Variants in MAP3K9 observed in about 807,000 individuals in gnomAD.
MAP3K9 encodes mitogen-activated protein kinase kinase kinase 9, also known as mixed lineage kinase 1 (tyr and ser/thr specificity).
A neutral mutation model predicts 95.8 loss-of-function variants in MAP3K9; 46 were observed. That is an observed-to-expected ratio of 0.48 (90% CI 0.38 to 0.61). MAP3K9 has a LOEUF of 0.61. Among genes scored for constraint, MAP3K9 ranks in the 20% least tolerant of loss-of-function variants. The pLI, the probability that MAP3K9 is intolerant of heterozygous loss-of-function variation, is 0.00. For synonymous variants in MAP3K9, 533 were observed against 593.8 expected (o/e 0.90, Z 1.49); for missense variants, 1,296 against 1,474.3 (o/e 0.88, Z 1.98).
chr14:70,785,649 A>G (rs1017418271), intron 2 of MAP3K9, among the ~76,000 whole-genome samples: 2 of 152,246 alleles, frequency 1.3e-5, no homozygotes, highest in Middle Eastern at 3.4e-3. Flanking sequence ...GTGTAGTCAG[A>G]GGATCGTCTG....
chr14:70,796,105 C>T (rs976473972), intron 2 of MAP3K9, among the ~76,000 whole-genome samples: 6 of 151,922 alleles, frequency 3.9e-5, no homozygotes, highest in Admixed American at 6.5e-5. Context: ...TGCCCAATGC[C>T]GTTACACCAA....
intron 2 of MAP3K9, among the ~76,000 whole-genome samples, chr14:70,771,428 T>C (rs531202188): frequency 6.6e-6 from 1 of 152,204 alleles, no homozygotes; most frequent in East Asian, 1.9e-4. Flanking sequence ...GGAAGGCATA[T>C]ACGTACTCCT....
chr14:70,762,909 C>A (rs1288396797), intron 2 of MAP3K9, among the ~76,000 whole-genome samples: 1 of 152,176 alleles, frequency 6.6e-6, no homozygotes, highest in Non-Finnish European at 1.5e-5. Flanking sequence ...TTAATTTCTG[C>A]ATATAACAGG....
At chr14:70,760,970 G>A (rs770276693) in intron 3 of MAP3K9, 32 bp downstream of exon 3, 4 of 1,606,326 alleles carry the variant, frequency 2.5e-6, no homozygotes, top group Non-Finnish European at 3.4e-6. Flanking sequence ...GATGGACCTA[G>A]GAAATGCTGT....
In MAP3K9 at chr14:70,775,420, C is replaced by T. The variant is rs1047408849; in HGVS notation, c.821-14238G>A. Among the ~76,000 whole-genome samples, 9 of 152,292 alleles carry T rather than the reference C, an allele frequency of 5.9e-5. No individual in the cohort carries two copies. In the East Asian group the frequency reaches 1.7e-3, roughly 29 times the overall value. On this transcript the variant is annotated intron_variant, in intron 2 of 11. Transcript: ENST00000554752. The stretch of plus-strand genomic sequence containing the variant: ...TGCTCCTTTCACTATACCCTGCTGC[C>T]CCCTCCATTTGGGGGTCAAATGTTG...
chr14:70,796,641 C>T (rs1300821602), intron 2 of MAP3K9, among the ~76,000 whole-genome samples: 2 of 152,202 alleles, frequency 1.3e-5, no homozygotes, highest in African/African-American at 2.4e-5. Flanking sequence ...AGCACATACG[C>T]CATGCTGGAC....
chr14:70,744,831 T>C (rs1232884286), intron 5 of MAP3K9, among the ~76,000 whole-genome samples: 6 of 152,208 alleles, frequency 3.9e-5, no homozygotes, highest in Non-Finnish European at 8.8e-5. Flanking sequence ...AGGGTGGAAC[T>C]GGGACAAAGT....
chr14:70,733,379 T>C (rs1379070229), intron 10 of MAP3K9, 37 bp from the exon 11 acceptor site: 2 of 931,518 alleles, frequency 2.1e-6, no homozygotes, highest in Non-Finnish European at 3.2e-6. Context: ...AAACAGGAAA[T>C]GGAAATGAGG....
chr14:70,797,158 G>C (rs1475635326), intron 2 of MAP3K9, among the ~76,000 whole-genome samples: 1 of 152,154 alleles, frequency 6.6e-6, no homozygotes, highest in Non-Finnish European at 1.5e-5. Flanking sequence ...GACAGCTCCT[G>C]TGTATACATA....
chr14:70,731,326 G>A (rs1445682556), intron 11 of MAP3K9, among the ~76,000 whole-genome samples: 2 of 152,084 alleles, frequency 1.3e-5, no homozygotes, highest in African/African-American at 2.4e-5. Context: ...GTCCATGCCT[G>A]TAGTCCCAGC....
At chr14:70,770,205 G>C (rs1252400266) in intron 2 of MAP3K9, among the ~76,000 whole-genome samples, 1 of 152,120 alleles carries the variant, frequency 6.6e-6, no homozygotes, top group Non-Finnish European at 1.5e-5. Context: ...GTTTGTTTTT[G>C]AGTCTCAATC....
In MAP3K9 at chr14:70,742,554, G is replaced by A. The variant is rs2054087257; in HGVS notation, c.1364C>T (p.Ala455Val). The A allele has an allele frequency of 6.2e-7, 1 of 1,614,052 alleles. No individual in the cohort carries two copies. The highest frequency in any genetic ancestry group is 1.3e-5 in the African/African-American group (1 of 74,932). ...RTWEEELTRA[A>V]LQQKNQEELL... is the part of the protein sequence containing the mutation. ...TTCCTCCTGGTTCTTCTGCTGCAGTGCAGCCCGCGTCAGCTCCTCCTCCCA... is the reference window on the plus strand; with the variant it reads ...TTCCTCCTGGTTCTTCTGCTGCAGTACAGCCCGCGTCAGCTCCTCCTCCCA... Residue 455 changes from alanine to valine, a missense_variant, in exon 6 of 12, where the codon GCA (alanine) becomes GTA (valine). Physicochemically the swap from Ala to Val is moderately conservative, Grantham distance 64. Coordinates refer to ENST00000554752, the MANE Select transcript of MAP3K9 (RefSeq NM_001284230.2).
chr14:70,805,460 G>T (rs556456584), intron 1 of MAP3K9, among the ~76,000 whole-genome samples: 2 of 152,300 alleles, frequency 1.3e-5, no homozygotes, highest in Admixed American at 6.5e-5. Flanking sequence ...AAAGACGATG[G>T]ATGAGCTCCT....
chr14:70,808,579 G>GA (rs1456078154), intron 1 of MAP3K9, among the ~76,000 whole-genome samples, 187 bp downstream of exon 1: 1 of 152,072 alleles, frequency 6.6e-6, no homozygotes, highest in Admixed American at 6.5e-5. Flanking sequence ...GGCAGGGCCT[G>GA]AGGCGTCTCG....
At position 70,732,807 on chromosome 14, in the gene MAP3K9, G is replaced by A. The variant is rs200036746; in HGVS notation, c.2562C>T (p.Ser854=). ...NSTRSLLRSD[S]DEIVVYEMPV... ...GCATCTCATACACGACAATTTCATC[G>A]CTGTCGGAGCGCAGCAGGGAGCGTG... The change falls in exon 11 of 12, where the codon AGC becomes AGT. Residue 854 remains serine, a synonymous_variant. Coordinates refer to ENST00000554752, the MANE Select transcript of MAP3K9 (RefSeq NM_001284230.2). The A allele has an allele frequency of 6.2e-4, 996 of 1,614,042 alleles. 6 individuals are homozygous for A. Among genetic ancestry groups the A allele is most frequent in the Non-Finnish European group, 7.3e-5 (86 of 1,179,968 alleles).
intron 2 of MAP3K9, among the ~76,000 whole-genome samples, chr14:70,797,934 C>T (rs2054883080): frequency 6.6e-6 from 1 of 152,146 alleles, no homozygotes; most frequent in Non-Finnish European, 1.5e-5. Flanking sequence ...CCATGCAGTC[C>T]AATGGACCAT....
intron 8 of MAP3K9, among the ~76,000 whole-genome samples, chr14:70,737,574 T>C (rs1193129616): frequency 2.6e-5 from 4 of 152,170 alleles, no homozygotes; most frequent in African/African-American, 9.7e-5. Flanking sequence ...GGAGCCATCA[T>C]ACATGGCAGT....
In MAP3K9 at chr14:70,742,571, C is replaced by T. The variant is rs1307897531; in HGVS notation, c.1347G>A (p.Glu449=). 6.8e-6 allele frequency: 11 copies of T among 1,614,002 alleles called. No individual in the cohort carries two copies. The highest frequency in any genetic ancestry group is 9.3e-6 in the Non-Finnish European group (11 of 1,179,994). The change falls in exon 6 of 12, where the codon GAG becomes GAA. Residue 449 remains glutamate (E), a synonymous_variant. Coordinates refer to ENST00000554752, the MANE Select transcript of MAP3K9 (RefSeq NM_001284230.2). ...AKEKELRTWE[E]ELTRAALQQK... ...GCTGCAGTGCAGCCCGCGTCAGCTC[C>T]TCCTCCCAGGTGCGAAGTTCCTGCA...
At chr14:70,773,076 A>G (rs1369455207) in intron 2 of MAP3K9, among the ~76,000 whole-genome samples, 2 of 152,192 alleles carry the variant, frequency 1.3e-5, no homozygotes, top group Non-Finnish European at 2.9e-5. Flanking sequence ...AAACAGAAAT[A>G]TTTACACTTT....
Sources: gnomAD v4.1 joint callset for allele counts (sites outside exome capture counted in the v4.1 genomes callset) on GRCh38, gnomAD v4.1.1 for gene constraint, MANE v1.5 for transcripts, NCBI Gene and HGNC (gene_info 2026-07-23, HGNC 2026-07-21) for gene names.